UTP20: variants seen among roughly 807,000 people sequenced by gnomAD.
UTP20 encodes small subunit processome component 20 homolog.
Under a neutral mutation model 329.5 loss-of-function variants are expected in UTP20, and 164 were observed. The observed-to-expected ratio is 0.50, with a 90% CI of 0.44 to 0.57. The LOEUF (loss-of-function observed/expected upper bound fraction) is 0.57. UTP20 is among the 20% of genes least tolerant of loss of function. UTP20 has a pLI of 0.00. For synonymous variants in UTP20, 1,151 were observed against 1,159.3 expected, an observed-to-expected ratio of 0.99 and a Z score of 0.14; for missense variants, 3,055 against 3,284.2, an observed-to-expected ratio of 0.93 and a Z score of 1.71.
intron 43 of UTP20, among the ~76,000 whole-genome samples, chr12:101,358,933 T>C (rs1869817285): frequency 6.6e-6 from 1 of 152,190 alleles, no homozygotes; most frequent in East Asian, 1.9e-4. Flanking sequence ...CTTTAAAGAC[T>C]TTATCGTTAT....
intron 41 of UTP20, 57 bp downstream of exon 41, chr12:101,355,175 C>G: frequency 1.3e-6 from 2 of 1,546,706 alleles, no homozygotes; most frequent in Non-Finnish European, 8.8e-7. Flanking sequence ...TTGGTGGAGC[C>G]CTGTCACACT....
Position 101,327,066 on chromosome 12 carries a change from C to T in UTP20, c.3042-15C>T. On this transcript the variant is annotated splice_polypyrimidine_tract_variant and intron_variant, in intron 25 of 61. Transcript: ENST00000261637. ...AATTAATGTGCAAACAAATAATGTG[C>T]TTTTGCCTTTTCAGAATTTTGTATG... 6.3e-7 allele frequency: 1 copy of T among 1,586,262 alleles called. No individual in the cohort carries two copies. Among genetic ancestry groups the T allele is most frequent in the Non-Finnish European group, 8.6e-7 (1 of 1,158,792 alleles).
chr12:101,355,061 C>T lies in UTP20; in HGVS notation c.5337C>T (p.Ile1779=). 1 of 1,614,150 alleles carries T rather than the reference C, an allele frequency of 6.2e-7. No homozygotes were observed. Among genetic ancestry groups the T allele is most frequent in the South Asian group, 1.1e-5 (1 of 91,080 alleles). Reference sequence around the variant, plus strand: ...AAATAGAGAGAACAATTAAAAATATCCAAGGAACCATAACCGGGGATATTC... The same window carrying T: ...AAATAGAGAGAACAATTAAAAATATTCAAGGAACCATAACCGGGGATATTC... ...KEEIERTIKN[I]QGTITGDILP... is the part of the protein sequence containing the mutation. The change falls in exon 41 of 62, where the codon ATC becomes ATT. Residue 1779 remains isoleucine, a synonymous_variant. Transcript: ENST00000261637.
chr12:101,302,607 ATTG>A (rs1395160397), intron 15 of UTP20, 54 bp downstream of exon 15: 42 of 1,203,294 alleles, frequency 3.5e-5, no homozygotes, highest in Non-Finnish European at 4.7e-5. Context: ...AAAAGCCTCT[ATTG>A]TTGTGAAATC....
intron 48 of UTP20, among the ~76,000 whole-genome samples, chr12:101,368,387 C>G (rs1190380458): frequency 6.6e-6 from 1 of 152,044 alleles, no homozygotes; most frequent in Non-Finnish European, 1.5e-5. Context: ...CCCTCCTTGG[C>G]CTCCTAAAAT....
intron 51 of UTP20, among the ~76,000 whole-genome samples, chr12:101,372,484 C>T (rs541423031): frequency 6.6e-6 from 1 of 152,332 alleles, no homozygotes; most frequent in East Asian, 1.9e-4. Flanking sequence ...TTATTATTAT[C>T]AGTATTGATA....
At chr12:101,334,641 G>A (rs1256469267) in intron 29 of UTP20, 137 bp downstream of exon 29, 4 of 672,746 alleles carry the variant, frequency 5.9e-6, no homozygotes, top group Non-Finnish European at 9.6e-6. Context: ...AGAGAATGAG[G>A]CAGCTGAGTA....
intron 40 of UTP20, 77 bp from the exon 41 acceptor site, chr12:101,354,755 G>C: frequency 6.7e-7 from 1 of 1,484,858 alleles, no homozygotes; most frequent in Non-Finnish European, 9.1e-7. Context: ...TTGGACGTTG[G>C]TGGGAAAAAC....
rs773322137 is a variant in UTP20, at chr12:101,375,634, A to G, written c.7274A>G (p.Glu2425Gly). The G allele has an allele frequency of 7.5e-6, 12 of 1,610,560 alleles. No homozygotes were observed. The highest frequency in any genetic ancestry group is 2.2e-5 in the East Asian group (1 of 44,768). ...CCGTCTTGTTTTTAGATCATGGAAG[A>G]AACTGAAGAAAAAGCTGCAGATCGC... ...DPENFKDIME[E>G]TEEKAADRLL... Residue 2425 changes from glutamate (E) to glycine (G), a missense_variant, in exon 56 of 62, where the codon GAA becomes GGA. Transcript: ENST00000261637.
chr12:101,372,730 A>G (rs1210695263), intron 51 of UTP20, among the ~76,000 whole-genome samples, 154 bp from the exon 52 acceptor site: 1 of 152,266 alleles, frequency 6.6e-6, no homozygotes, highest in African/African-American at 2.4e-5. Flanking sequence ...TATTGACTTC[A>G]TAGGCAGATT....
chr12:101,368,527 G>T (rs958952886), intron 48 of UTP20, among the ~76,000 whole-genome samples: 1 of 151,986 alleles, frequency 6.6e-6, no homozygotes, highest in African/African-American at 2.4e-5. Flanking sequence ...CTATAAATTT[G>T]GATAGCCTTT....
chr12:101,304,862 C>T lies in UTP20; in HGVS notation c.1782-1053C>T, dbSNP rs1213682287. 3.9e-5 allele frequency among the ~76,000 whole-genome samples: 6 copies of T among 152,318 alleles called. No homozygotes were observed. In the South Asian group the frequency reaches 8.3e-4, roughly 21 times the overall value. ...GGGCTCCGTATGAGCTAACTCCTGG[C>T]TAGTTCTGACATCTTCAGGCACTCT... On this transcript the variant is annotated intron_variant, in intron 15 of 61. Coordinates refer to ENST00000261637, the MANE Select transcript of UTP20 (RefSeq NM_014503.3).
At chr12:101,351,507 G>T (rs10778114) in intron 38 of UTP20, among the ~76,000 whole-genome samples, 3 of 149,386 alleles carry the variant, frequency 2.0e-5, no homozygotes, top group Non-Finnish European at 4.4e-5. Flanking sequence ...CCTGAAAGAG[G>T]TGTCTCTGAG....
chr12:101,318,949 A>G lies in UTP20; in HGVS notation c.2739-596A>G, dbSNP rs527507209. The stretch of plus-strand genomic sequence containing the variant: ...CTAACAGAAATAGTGTATGAAGCAC[A>G]GGGGCAGGAAAGATTATGGCCAGCC... On this transcript the variant is annotated intron_variant, in intron 22 of 61. Transcript: ENST00000261637. 3.9e-5 allele frequency among the ~76,000 whole-genome samples: 6 copies of G among 152,266 alleles called. No individual in the cohort carries two copies. In the East Asian group the frequency reaches 9.7e-4, roughly 25 times the overall value.
chr12:101,382,959 T>C, intron 58 of UTP20, 82 bp from the exon 59 acceptor site: 1 of 1,485,600 alleles, frequency 6.7e-7, no homozygotes, highest in Admixed American at 2.3e-5. Context: ...GTAGAATACC[T>C]ATTTTAGCTT....
rs554123034 is a variant in UTP20, at chr12:101,327,009, C to A, written c.3042-72C>A. On this transcript the variant is annotated intron_variant, in intron 25 of 61. Coordinates refer to ENST00000261637, the MANE Select transcript of UTP20 (RefSeq NM_014503.3). ...AAATCTATTGAGTTGCTCTTCTAGC[C>A]TTTTAGGCAAATAAAACAACTCATA... is the stretch of plus-strand genomic sequence containing the variant. The A allele has an allele frequency of 4.7e-6, 7 of 1,484,744 alleles. No individual in the cohort carries two copies. In the African/African-American group the frequency reaches 9.7e-5, roughly 21 times the overall value. 92.0% of individuals were successfully genotyped at this position (1,484,744 alleles called of 1,614,324 possible). A position where few individuals can be genotyped will look rare whatever the true frequency, so the allele number is the denominator to read the frequency against.
chr12:101,310,759 A>C (rs1291898479), intron 19 of UTP20, among the ~76,000 whole-genome samples: 1 of 152,028 alleles, frequency 6.6e-6, no homozygotes, highest in African/African-American at 2.4e-5. Context: ...AGAATAAGAG[A>C]GTTAACATTT....
At chr12:101,385,387 G>T (rs1870790106) in intron 60 of UTP20, among the ~76,000 whole-genome samples, 196 bp from the exon 61 acceptor site, 3 of 152,108 alleles carry the variant, frequency 2.0e-5, no homozygotes, top group Admixed American at 1.3e-4. Context: ...GAACATAGAG[G>T]CTAGTTTTAT....
At position 101,291,772 on chromosome 12, in the gene UTP20, A is replaced by G. The variant is rs1240400613; in HGVS notation, c.922A>G (p.Thr308Ala). 6.2e-7 allele frequency: 1 copy of G among 1,603,142 alleles called. No homozygotes were observed. Residue 308 changes from threonine to alanine, a missense_variant, in exon 9 of 62, where the codon ACA becomes GCA. Transcript: ENST00000261637. ...ESLLDLHTKV[T>A]KTNCCESSEQ... is the part of the protein sequence containing the mutation. ...GCTCTTGGATCTACACACAAAAGTAACAAAAACTAACTGTTGTGAAAGTTC... is the reference window on the plus strand; with the variant it reads ...GCTCTTGGATCTACACACAAAAGTAGCAAAAACTAACTGTTGTGAAAGTTC...
Sources: allele counts gnomAD v4.1 joint callset (sites outside exome capture counted in the v4.1 genomes callset), GRCh38; gene constraint gnomAD v4.1.1; transcripts MANE v1.5; gene names NCBI Gene and HGNC (gene_info 2026-07-23, HGNC 2026-07-21).